MAPK14: variants seen among roughly 807,000 people sequenced by gnomAD.
MAPK14 encodes the protein mitogen-activated protein kinase 14.
In MAPK14, 16 loss-of-function variants were observed where a neutral mutation model predicts 49.6. That is an observed-to-expected ratio of 0.32 (90% confidence interval 0.22 to 0.49). The LOEUF is 0.49. Ranked by LOEUF, MAPK14 falls within the 20% of genes least tolerant of loss-of-function variation. The probability of loss-of-function intolerance (pLI) is 0.99; values close to 1 mark genes in which losing one functional copy is unlikely to be tolerated. For missense variants in MAPK14, 200 were observed against 441.2 expected (o/e 0.45, Z 4.90); for synonymous variants, 142 against 158.0 (o/e 0.90, Z 0.76).
rs1366053977 is a variant in MAPK14, at chr6:36,028,907, C to T, written c.116+634C>T. On this transcript the variant is annotated intron_variant, in intron 1 of 11. Coordinates refer to ENST00000229794, the MANE Select transcript of MAPK14 (RefSeq NM_139012.3). This position sits in a 1 kb window ranked among gnomAD's most constrained non-coding sequence, Gnocchi z 5.1. ...ATAGAGCTTAAAATACCGACTTTAT[C>T]TCGGTGAGCACTGTGCCAGCTTGAG... 6.9e-6 allele frequency among the ~76,000 whole-genome samples: 1 copy of T among 145,644 alleles called. No individual in the cohort carries two copies. The highest frequency in any genetic ancestry group is 2.5e-5 in the African/African-American group (1 of 39,660).
chr6:36,069,281 C>G (rs1034056243), intron 3 of MAPK14, among the ~76,000 whole-genome samples: 6 of 152,104 alleles, frequency 3.9e-5, no homozygotes, highest in Non-Finnish European at 8.8e-5. Flanking sequence ...CCTTGCCCCC[C>G]ATCCTGTTCA....
At chr6:36,059,141 C>T (rs543384610) in intron 2 of MAPK14, 148 bp from the exon 3 acceptor site, 33 of 477,038 alleles carry the variant, frequency 6.9e-5, no homozygotes, top group African/African-American at 1.6e-4. Flanking sequence ...CCGCCCGCCT[C>T]GGCCTCCCAA....
In MAPK14 at chr6:36,036,255, C is replaced by CAAAA. The variant is rs35795294; in HGVS notation, c.116+7997_116+8000dup. 3.2e-3 allele frequency among the ~76,000 whole-genome samples: 338 copies of CAAAA among 104,748 alleles called. 5 individuals carry two copies. The South Asian group carries it at 0.033, about 10-fold the overall frequency. The allele number at this position is 104,748 out of a possible 152,430, so 68.7% of individuals were successfully genotyped here. A position where few individuals can be genotyped will look rare whatever the true frequency, so the allele number is the denominator to read the frequency against. On this transcript the variant is annotated intron_variant, in intron 1 of 11. Coordinates refer to ENST00000229794, the MANE Select transcript of MAPK14 (RefSeq NM_139012.3). ...TGGGCGATAGAGCAAGAGTACATCT[C>CAAAA]AAAAAAAAAAAAAAAAAATCAATAG...
intron 3 of MAPK14, among the ~76,000 whole-genome samples, chr6:36,071,951 G>A (rs771981942): frequency 2.0e-4 from 31 of 152,082 alleles, no homozygotes; most frequent in South Asian, 6.2e-4. Flanking sequence ...CTCCCAAAGT[G>A]CTAAGATTAT....
chr6:36,047,004 CA>C (rs1763204677), intron 1 of MAPK14, among the ~76,000 whole-genome samples: 3 of 152,224 alleles, frequency 2.0e-5, no homozygotes, highest in Admixed American at 1.3e-4. Flanking sequence ...CTGGGTCCCA[CA>C]GGGGCAATGG....
rs1762401839 is a variant in MAPK14 at position 36,028,534 on chromosome 6, C to T, written c.116+261C>T. ...GGTGCTGGAGCTCGGTTCTGGCTAG[C>T]ACCCTGCGCCTTCCCCTCTCGGAGG... On this transcript the variant is annotated intron_variant, in intron 1 of 11. Transcript: ENST00000229794. This position sits in a 1 kb window ranked among gnomAD's most constrained non-coding sequence, Gnocchi z 5.1. Among the ~76,000 whole-genome samples, 1 of 152,228 alleles carries T rather than the reference C, an allele frequency of 6.6e-6. No homozygotes were observed. The highest frequency in any genetic ancestry group is 2.4e-5 in the African/African-American group (1 of 41,472).
chr6:36,079,732 C>G (rs960115526), intron 8 of MAPK14, among the ~76,000 whole-genome samples: 2 of 152,058 alleles, frequency 1.3e-5, no homozygotes, highest in African/African-American at 4.8e-5. Context: ...TGTACTAGAA[C>G]TTTTGTGGTA....
chr6:36,063,999 G>A lies in MAPK14; in HGVS notation c.305+4652G>A, dbSNP rs139485735. Among the ~76,000 whole-genome samples, 238 of 152,072 alleles carry A rather than the reference G, an allele frequency of 1.6e-3. 1 individual carries two copies. Among genetic ancestry groups the A allele is most frequent in the African/African-American group, 5.2e-3 (217 of 41,470 alleles). The stretch of plus-strand genomic sequence containing the variant: ...AGTAGAAATGCAAAAATCTTAAATA[G>A]CCAATATTTGAACCTAACACCAGAG... On this transcript the variant is annotated intron_variant, in intron 3 of 11. Transcript: ENST00000229794.
At chr6:36,116,861 A>G in the MAPK14 span, among the ~76,000 whole-genome samples, 6 of 152,140 alleles carry the variant, frequency 3.9e-5, no homozygotes. Context: ...ACATTCTTGC[A>G]TATTCTATAC....
chr6:36,054,324 T>C (rs886279226), intron 2 of MAPK14, among the ~76,000 whole-genome samples: 2 of 152,226 alleles, frequency 1.3e-5, no homozygotes, highest in East Asian at 1.9e-4. Context: ...TAGGATCCTA[T>C]TGATGTGGCT....
intron 1 of MAPK14, among the ~76,000 whole-genome samples, chr6:36,030,999 T>G (rs13196204): frequency 0.12 from 18,690 of 152,252 alleles, 1,451 homozygotes; most frequent in Middle Eastern, 0.18. Context: ...TATTCAGAGA[T>G]TCAGCGTAGT....
chr6:36,073,633 G>C, intron 4 of MAPK14, 58 bp from the exon 5 acceptor site: 1 of 1,365,632 alleles, frequency 7.3e-7, no homozygotes, highest in Non-Finnish European at 1.0e-6. Flanking sequence ...CAGCAAATAT[G>C]TTATATAATA....
downstream of MAPK14, among the ~76,000 whole-genome samples, chr6:36,111,633 C>T (rs753643914): frequency 2.0e-5 from 3 of 152,024 alleles, no homozygotes; most frequent in Non-Finnish European, 4.4e-5. Context: ...GAAAGAGCCA[C>T]GGGGTCTCAC....
chr6:36,098,885 G>A (rs7451273), intron 9 of MAPK14, among the ~76,000 whole-genome samples: 1 of 152,146 alleles, frequency 6.6e-6, no homozygotes, highest in East Asian at 1.9e-4. Context: ...ACAAAATAAA[G>A]AATTCCATCA....
chr6:36,075,171 C>A (rs112202188), intron 6 of MAPK14, among the ~76,000 whole-genome samples: 21,107 of 145,086 alleles, frequency 0.15, 1,874 homozygotes, highest in African/African-American at 0.26. Context: ...GCTTGCAGTG[C>A]GCCGAGATAG....
chr6:36,041,930 G>C (rs1238321842), intron 1 of MAPK14, among the ~76,000 whole-genome samples: 4 of 152,196 alleles, frequency 2.6e-5, no homozygotes, highest in Non-Finnish European at 1.5e-5. Context: ...GAGAAGTGGA[G>C]ACATTGTGAG....
At chr6:36,087,073 A>T (rs889939708) in intron 8 of MAPK14, among the ~76,000 whole-genome samples, 2 of 152,244 alleles carry the variant, frequency 1.3e-5, no homozygotes, top group African/African-American at 4.8e-5. Context: ...GATGCAGAAA[A>T]GGCCTTTAAT....
At chr6:36,063,826 A>G (rs1763928409) in intron 3 of MAPK14, among the ~76,000 whole-genome samples, 1 of 152,210 alleles carries the variant, frequency 6.6e-6, no homozygotes, top group South Asian at 2.1e-4. Flanking sequence ...ATGTGGTTGT[A>G]CAGATGGCAA....
intron 7 of MAPK14, 88 bp from the exon 8 acceptor site, chr6:36,076,449 T>C: frequency 1.1e-6 from 1 of 907,740 alleles, no homozygotes; most frequent in Non-Finnish European, 1.8e-6. Context: ...GTAATTTGAA[T>C]ATTTCACCCC....
Sources: gnomAD v4.1 joint callset for allele counts (sites outside exome capture counted in the v4.1 genomes callset) on GRCh38, gnomAD v4.1.1 for gene constraint, Gnocchi (gnomAD v3.1) non-coding constraint, MANE v1.5 for transcripts, NCBI Gene and HGNC (gene_info 2026-07-23, HGNC 2026-07-21) for gene names.